Variants in PSEN1 observed in about 807,000 individuals in gnomAD.
PSEN1 encodes presenilin-1.
PSEN1 carries 15 observed loss-of-function variants against 53.5 expected under a neutral mutation model. The observed-to-expected ratio is 0.28, with a 90% CI of 0.19 to 0.43. The LOEUF is 0.43. Among genes scored for constraint, PSEN1 ranks in the 20% least tolerant of loss-of-function variants. The pLI, the probability that PSEN1 is intolerant of heterozygous loss-of-function variation, is 1.00. For synonymous variants in PSEN1, 208 were observed against 209.8 expected, an observed-to-expected ratio of 0.99 and a Z score of 0.08; for missense variants, 387 against 571.2, an observed-to-expected ratio of 0.68 and a Z score of 3.29.
At chr14:73,144,482 T>C (rs927710718) in intron 1 of PSEN1, among the ~76,000 whole-genome samples, 3 of 152,242 alleles carry the variant, frequency 2.0e-5, no homozygotes, top group Admixed American at 2.0e-4. Flanking sequence ...GATTTACTAG[T>C]AATCAAAATC....
At chr14:73,163,227 A>T (rs555548728) in intron 3 of PSEN1, among the ~76,000 whole-genome samples, 1 of 152,378 alleles carries the variant, frequency 6.6e-6, no homozygotes, top group Non-Finnish European at 1.5e-5. Context: ...AGGCACACCT[A>T]CATGGTGCTT....
chr14:73,174,035 C>T (rs148305194), intron 5 of PSEN1: 15 of 457,940 alleles, frequency 3.3e-5, no homozygotes, highest in African/African-American at 2.7e-4. Flanking sequence ...TGCATGGAAT[C>T]TATATGTCAT....
At chr14:73,195,885 A>G (rs1450503109) in intron 7 of PSEN1, among the ~76,000 whole-genome samples, 2 of 152,198 alleles carry the variant, frequency 1.3e-5, no homozygotes, top group African/African-American at 2.4e-5. Flanking sequence ...CTGCTAAGAA[A>G]CTTGAAGTTT....
intron 9 of PSEN1, among the ~76,000 whole-genome samples, chr14:73,207,621 A>G (rs1213535547): frequency 6.6e-6 from 1 of 152,248 alleles, no homozygotes; most frequent in Non-Finnish European, 1.5e-5. Flanking sequence ...GAACAAGGTC[A>G]TGTTAGACTC....
intron 3 of PSEN1, 124 bp from the exon 4 acceptor site, chr14:73,170,673 G>GT: frequency 9.7e-7 from 1 of 1,027,952 alleles, no homozygotes; most frequent in Admixed American, 2.0e-5. Flanking sequence ...CCTGTACATT[G>GT]TTTTTTCTTG....
intron 3 of PSEN1, among the ~76,000 whole-genome samples, chr14:73,152,636 C>A (rs984473345): frequency 6.6e-6 from 1 of 151,824 alleles, no homozygotes; most frequent in African/African-American, 2.4e-5. Flanking sequence ...CACAAAAGCT[C>A]GGTAGCATGA....
In PSEN1 at chr14:73,219,425, G is replaced by A. The variant is rs1900060565; in HGVS notation, c.*136G>A. The A allele has an allele frequency of 9.9e-7, 1 of 1,007,658 alleles. No individual in the cohort carries two copies. Among genetic ancestry groups the A allele is most frequent in the South Asian group, 1.3e-5 (1 of 77,318 alleles). The allele number at this position is 1,007,658 out of a possible 1,614,324, so 62.4% of individuals were successfully genotyped here. On this transcript the variant is annotated 3_prime_UTR_variant, in exon 12 of 12. Transcript: ENST00000324501. ...CTGGACTTTTGCAGCTTCCTTCCAA[G>A]TCTTCCTGACCACCTTGCACTATTG...
intron 7 of PSEN1, 147 bp from the exon 8 acceptor site, chr14:73,197,884 T>A: frequency 8.6e-6 from 5 of 582,664 alleles, no homozygotes; most frequent in African/African-American, 1.9e-5. Flanking sequence ...TCACCTGCCA[T>A]TTATTTCATA....
At chr14:73,206,624 G>A (rs1899466382) in intron 9 of PSEN1, 152 bp downstream of exon 9, 1 of 663,112 alleles carries the variant, frequency 1.5e-6, no homozygotes, top group Non-Finnish European at 2.7e-6. Flanking sequence ...ACACAGATAA[G>A]TATTTAAGGA....
intron 5 of PSEN1, chr14:73,174,096 T>G: frequency 3.8e-6 from 1 of 260,660 alleles, no homozygotes. Flanking sequence ...CAAGATTTAG[T>G]GATAATTTAT....
chr14:73,141,562 C>G lies in PSEN1; in HGVS notation c.-136+4979C>G, dbSNP rs185931538. ...AATCCCAGCTAAGGTGGTGGATCAC[C>G]TGAGGTCAGGAGTTCGAGACCAGCC... On this transcript the variant is annotated intron_variant, in intron 1 of 11. Transcript: ENST00000324501. Among the ~76,000 whole-genome samples the G allele has an allele frequency of 3.3e-3, 506 of 151,902 alleles. 13 individuals are homozygous for G. Among genetic ancestry groups the G allele is most frequent in the Admixed American group, 0.029 (440 of 15,270 alleles).
chr14:73,210,594 G>A (rs1056506545), intron 9 of PSEN1, among the ~76,000 whole-genome samples: 1 of 152,176 alleles, frequency 6.6e-6, no homozygotes, highest in East Asian at 1.9e-4. Context: ...TGAGGAGGGA[G>A]GGGGTAGAAA....
intron 10 of PSEN1, among the ~76,000 whole-genome samples, chr14:73,215,184 C>T (rs1899862408): frequency 6.6e-6 from 1 of 151,598 alleles, no homozygotes; most frequent in Non-Finnish European, 1.5e-5. Flanking sequence ...TGGTCTTGAA[C>T]TCCTGACCTC....
chr14:73,164,871 T>G (rs1005579876), intron 3 of PSEN1, among the ~76,000 whole-genome samples: 3 of 152,210 alleles, frequency 2.0e-5, no homozygotes, highest in African/African-American at 7.2e-5. Flanking sequence ...TTCATATATA[T>G]ATATGTTCAT....
At chr14:73,139,155 C>CACTTG (rs1451257186) in intron 1 of PSEN1, 3 of 150,784 alleles carry the variant, frequency 2.0e-5, no homozygotes, top group African/African-American at 7.3e-5. Context: ...TGGTGCCAGG[C>CACTTG]ACTTGTAGTC....
At chr14:73,153,662 AT>A (rs34369135) in intron 3 of PSEN1, among the ~76,000 whole-genome samples, 92 of 138,592 alleles carry the variant, frequency 6.6e-4, no homozygotes, top group Non-Finnish European at 8.2e-4. Context: ...CCATTAAGTC[AT>A]TTTTTTTTTT....
Position 73,141,268 on chromosome 14 carries a change from A to C in PSEN1, c.-136+4685A>C, listed in dbSNP as rs541127729. ...GGGAGTGAATATTGGCTGAATAATA[A>C]TCTAATCTACCACAGATGGTTAACA... On this transcript the variant is annotated intron_variant, in intron 1 of 11. Coordinates refer to ENST00000324501, the MANE Select transcript of PSEN1 (RefSeq NM_000021.4). Among the ~76,000 whole-genome samples the C allele has an allele frequency of 2.0e-5, 3 of 152,070 alleles. No homozygotes were observed. In the East Asian group the frequency reaches 5.8e-4, roughly 29 times the overall value.
intron 5 of PSEN1, among the ~76,000 whole-genome samples, chr14:73,184,702 C>T (rs1898408883): frequency 6.6e-6 from 1 of 151,464 alleles, no homozygotes; most frequent in Non-Finnish European, 1.5e-5. Context: ...GGCTGACCCC[C>T]CCACCTCCCT....
At chr14:73,162,473 GGAGAGA>G (rs371588222) in intron 3 of PSEN1, among the ~76,000 whole-genome samples, 8 of 145,472 alleles carry the variant, frequency 5.5e-5, no homozygotes, top group East Asian at 2.1e-4. Flanking sequence ...TCCATGAGAA[GGAGAGA>G]GAGAGAGAGA....
Sources: gnomAD v4.1 joint callset for allele counts (sites outside exome capture counted in the v4.1 genomes callset) on GRCh38, gnomAD v4.1.1 for gene constraint, MANE v1.5 for transcripts, NCBI Gene and HGNC (gene_info 2026-07-23, HGNC 2026-07-21) for gene names.